SLIT2: variants seen among roughly 807,000 people sequenced by gnomAD.
The protein encoded by SLIT2 is slit homolog 2 protein.
In SLIT2, 41 loss-of-function variants were observed where a neutral mutation model predicts 185.7. The ratio of observed to expected loss-of-function variants is 0.22; its 90% confidence interval spans 0.17 to 0.29. The LOEUF is 0.29. Ranked by LOEUF, SLIT2 falls within the 10% of genes least tolerant of loss-of-function variation. The pLI is 1.00. For missense variants in SLIT2, 1,571 were observed against 1,909.0 expected (o/e 0.82, Z 3.30); for synonymous variants, 693 against 680.2 (o/e 1.02, Z -0.29).
intron 4 of SLIT2, among the ~76,000 whole-genome samples, chr4:20,374,204 G>A (rs1723823041): frequency 6.6e-6 from 1 of 152,052 alleles, no homozygotes; most frequent in African/African-American, 2.4e-5. Context: ...GTGTCTGGAG[G>A]AATGAACACC....
At chr4:20,512,639 G>A (rs1470703168) in intron 11 of SLIT2, among the ~76,000 whole-genome samples, 1 of 152,158 alleles carries the variant, frequency 6.6e-6, no homozygotes, top group Non-Finnish European at 1.5e-5. Context: ...ATAAAGTACT[G>A]TTAGCACCAT....
At chr4:20,581,727 A>G (rs1726590389) in intron 29 of SLIT2, among the ~76,000 whole-genome samples, 1 of 151,976 alleles carries the variant, frequency 6.6e-6, no homozygotes, top group South Asian at 2.1e-4. Context: ...CCTCCACTGG[A>G]GACAGAGTTC....
At chr4:20,322,524 GT>G in intron 4 of SLIT2, among the ~76,000 whole-genome samples, 1 of 151,942 alleles carries the variant, frequency 6.6e-6, no homozygotes. Flanking sequence ...TGCTTATCAG[GT>G]TTTTCATAAT....
chr4:20,302,912 C>A (rs1717188742), intron 4 of SLIT2, among the ~76,000 whole-genome samples: 1 of 152,146 alleles, frequency 6.6e-6, no homozygotes, highest in South Asian at 2.1e-4. Flanking sequence ...TCTGTCTTCA[C>A]TTTTATGACT....
At chr4:20,459,598 C>T (rs746684715) in intron 4 of SLIT2, among the ~76,000 whole-genome samples, 5 of 151,936 alleles carry the variant, frequency 3.3e-5, no homozygotes, top group Non-Finnish European at 7.4e-5. Context: ...GATACAAAGA[C>T]TTTAATCTGT....
rs1342798054 is a variant in SLIT2, at chr4:20,253,869, G to T, written c.54G>T (p.Ala18=). 2.5e-6 allele frequency: 4 copies of T among 1,600,904 alleles called. No homozygotes were observed. Among genetic ancestry groups the T allele is most frequent in the South Asian group, 1.1e-5 (1 of 91,076 alleles). ...CCCTGTCGCTGGGGTTAGTGCTGGC[G>T]ATCCTGAACAAGGTGGCACCGCAGG... ...MLSLSLGLVL[A]ILNKVAPQAC... is the part of the protein sequence containing the mutation. Residue 18 remains alanine, a synonymous_variant, in exon 1 of 37, where the codon GCG becomes GCT. Transcript: ENST00000504154.
intron 29 of SLIT2, among the ~76,000 whole-genome samples, chr4:20,572,460 T>C (rs1206012125): frequency 6.6e-6 from 1 of 152,024 alleles, no homozygotes; most frequent in African/African-American, 2.4e-5. Context: ...TGATTTTTTG[T>C]TTGGTTATTT....
chr4:20,616,736 C>T (rs562930781), intron 34 of SLIT2, 174 bp from the exon 35 acceptor site: 2 of 606,148 alleles, frequency 3.3e-6, no homozygotes, highest in Admixed American at 6.6e-5. Context: ...CAATACAGAA[C>T]AAAACAAAAA....
chr4:20,573,065 C>T (rs1168040332), intron 29 of SLIT2, among the ~76,000 whole-genome samples: 2 of 152,158 alleles, frequency 1.3e-5, no homozygotes, highest in Non-Finnish European at 2.9e-5. Flanking sequence ...CTCATTTTCT[C>T]CATGTTTGTG....
chr4:20,454,261 C>T (rs1041298118), intron 4 of SLIT2, among the ~76,000 whole-genome samples: 2 of 152,094 alleles, frequency 1.3e-5, no homozygotes, highest in African/African-American at 4.8e-5. Context: ...TGAATGAATA[C>T]AAATATCTCT....
chr4:20,618,477 TGTAC>T (rs1394550181), intron 36 of SLIT2, among the ~76,000 whole-genome samples: 1 of 152,216 alleles, frequency 6.6e-6, no homozygotes, highest in Non-Finnish European at 1.5e-5. Context: ...ACAGAAGATG[TGTAC>T]TTTTTTTCCT....
At chr4:20,400,700 G>A (rs1726277096) in intron 4 of SLIT2, among the ~76,000 whole-genome samples, 1 of 151,670 alleles carries the variant, frequency 6.6e-6, no homozygotes, top group African/African-American at 2.4e-5. Flanking sequence ...AAGCGCTTAA[G>A]AGCACCTACT....
intron 4 of SLIT2, among the ~76,000 whole-genome samples, chr4:20,437,870 A>G (rs10015982): frequency 0.53 from 76,104 of 144,318 alleles, 21,689 homozygotes; most frequent in African/African-American, 0.74. Flanking sequence ...AGCTGAGATC[A>G]CGCCACTGCA....
At chr4:20,391,092 T>C (rs1265533375) in intron 4 of SLIT2, among the ~76,000 whole-genome samples, 1 of 152,068 alleles carries the variant, frequency 6.6e-6, no homozygotes, top group Non-Finnish European at 1.5e-5. Flanking sequence ...TAAATATCTA[T>C]TTGACTCTAA....
intron 4 of SLIT2, among the ~76,000 whole-genome samples, chr4:20,460,384 A>G (rs942925983): frequency 5.3e-5 from 8 of 152,164 alleles, no homozygotes; most frequent in Non-Finnish European, 7.4e-5. Flanking sequence ...GTAGATATTC[A>G]TTGCAAACAT....
At chr4:20,302,848 G>C (rs909905741) in intron 4 of SLIT2, among the ~76,000 whole-genome samples, 6 of 152,148 alleles carry the variant, frequency 3.9e-5, no homozygotes, top group Non-Finnish European at 7.4e-5. Context: ...GAATTACACA[G>C]TTGTTTGTAT....
In SLIT2 at chr4:20,252,329, C is replaced by T. The variant is rs1041762968; in HGVS notation, c.-1487C>T. Among the ~76,000 whole-genome samples the T allele has an allele frequency of 6.6e-6, 1 of 152,196 alleles. No homozygotes were observed. The highest frequency in any genetic ancestry group is 1.5e-5 in the Non-Finnish European group (1 of 68,036). On this transcript the variant is annotated 5_prime_UTR_variant, in exon 1 of 37. Transcript: ENST00000504154. ...TCGGCAGAGCCACCGAGTCCCCGCT[C>T]TGAGTCGTCGCCCTCCCTCTCCCCG...
intron 12 of SLIT2, among the ~76,000 whole-genome samples, chr4:20,521,042 C>G (rs1720794151): frequency 6.6e-6 from 1 of 152,180 alleles, no homozygotes; most frequent in African/African-American, 2.4e-5. Flanking sequence ...TGTGACTCAC[C>G]TCTCTGCCAT....
chr4:20,493,672 A>G (rs1170908127), intron 9 of SLIT2, among the ~76,000 whole-genome samples: 1 of 152,192 alleles, frequency 6.6e-6, no homozygotes, highest in South Asian at 2.1e-4. Context: ...TGGACAAGTT[A>G]CTTATCCTCT....
Sources: allele counts gnomAD v4.1 joint callset (sites outside exome capture counted in the v4.1 genomes callset), GRCh38; gene constraint gnomAD v4.1.1; transcripts MANE v1.5; gene names NCBI Gene and HGNC (gene_info 2026-07-23, HGNC 2026-07-21).